Variants in NPSR1 observed in about 807,000 individuals in gnomAD.
NPSR1 encodes neuropeptide S receptor 1.
A neutral mutation model predicts 46.9 loss-of-function variants in NPSR1; 48 were observed. The ratio of observed to expected loss-of-function variants is 1.02; its 90% confidence interval spans 0.81 to 1.30. NPSR1 has a LOEUF of 1.30. NPSR1 is among the 50% of genes most tolerant of loss of function. NPSR1 has a pLI of 0.00. For synonymous variants in NPSR1, 176 were observed against 168.1 expected (o/e 1.05, Z -0.36); for missense variants, 450 against 449.5 (o/e 1.00, Z -0.01).
At chr7:34,747,539 G>A (rs1035727549) in intron 2 of NPSR1, among the ~76,000 whole-genome samples, 1 of 152,220 alleles carries the variant, frequency 6.6e-6, no homozygotes, top group African/African-American at 2.4e-5. Flanking sequence ...ACAGCTAAGT[G>A]CAAGGTGGAA....
chr7:34,683,288 C>CA (rs948207003), intron 1 of NPSR1, among the ~76,000 whole-genome samples: 10 of 150,476 alleles, frequency 6.6e-5, no homozygotes, highest in South Asian at 6.3e-4. Flanking sequence ...CTAAAAAATA[C>CA]AAAAAAAAAT....
At chr7:34,743,124 C>A (rs988337842) in intron 2 of NPSR1, among the ~76,000 whole-genome samples, 6 of 152,062 alleles carry the variant, frequency 3.9e-5, no homozygotes, top group Non-Finnish European at 8.8e-5. Context: ...TTGATAGTTT[C>A]TTTTGCGTGC....
downstream of NPSR1, among the ~76,000 whole-genome samples, chr7:34,851,681 T>G (rs577381808): frequency 3.1e-4 from 47 of 152,350 alleles, no homozygotes; most frequent in Non-Finnish European, 4.6e-4. Flanking sequence ...CCAGGTTCTC[T>G]TGACAGATGC....
chr7:34,837,966 T>C (rs971503505), intron 6 of NPSR1, among the ~76,000 whole-genome samples: 1 of 152,156 alleles, frequency 6.6e-6, no homozygotes, highest in Non-Finnish European at 1.5e-5. Context: ...TTCAGACGAA[T>C]CAGATTGGTG....
intron 2 of NPSR1, among the ~76,000 whole-genome samples, chr7:34,710,184 CTTGCAATATA>C (rs985231485): frequency 6.6e-6 from 1 of 152,164 alleles, no homozygotes; most frequent in Non-Finnish European, 1.5e-5. Flanking sequence ...ACCCTTCCTA[CTTGCAATATA>C]TTAGAAAGGC....
intron 6 of NPSR1, among the ~76,000 whole-genome samples, chr7:34,837,620 T>C (rs944036413): frequency 1.3e-5 from 2 of 152,216 alleles, no homozygotes; most frequent in Non-Finnish European, 2.9e-5. Flanking sequence ...CTCTTTGAGG[T>C]GGTGTTATTA....
At chr7:34,673,448 C>T (rs1162291046) in intron 1 of NPSR1, among the ~76,000 whole-genome samples, 1 of 152,172 alleles carries the variant, frequency 6.6e-6, no homozygotes, top group Admixed American at 6.5e-5. Context: ...AGCCAAGGCT[C>T]TCTCCTCTGG....
intron 2 of NPSR1, among the ~76,000 whole-genome samples, chr7:34,774,587 G>A (rs1786858486): frequency 1.3e-5 from 2 of 152,296 alleles, no homozygotes; most frequent in Middle Eastern, 3.4e-3. Context: ...CTCAAAAGGT[G>A]TATAACTTTG....
chr7:34,713,793 C>A (rs1783419115), intron 2 of NPSR1, among the ~76,000 whole-genome samples: 2 of 152,222 alleles, frequency 1.3e-5, no homozygotes, highest in African/African-American at 4.8e-5. Context: ...CCATCCCAGG[C>A]CTGTCCCGGA....
chr7:34,789,184 T>C (rs924874253), intron 3 of NPSR1, among the ~76,000 whole-genome samples: 1 of 151,840 alleles, frequency 6.6e-6, no homozygotes, highest in African/African-American at 2.4e-5. Flanking sequence ...AATAAATACC[T>C]ACATCAAACA....
chr7:34,792,643 A>ATATATATGTATATATTTT (rs1554331457), intron 3 of NPSR1, among the ~76,000 whole-genome samples: 1 of 91,514 alleles, frequency 1.1e-5, no homozygotes, highest in Non-Finnish European at 2.3e-5. Context: ...GTGTATGTGT[A>ATATATATGTATATATTTT]TATATATATG....
intron 2 of NPSR1, among the ~76,000 whole-genome samples, chr7:34,778,194 C>G (rs1409875923): frequency 6.6e-6 from 1 of 152,080 alleles, no homozygotes; most frequent in African/African-American, 2.4e-5. Context: ...CTTAAAAAGT[C>G]AACTCTATGA....
intron 2 of NPSR1, among the ~76,000 whole-genome samples, chr7:34,774,345 C>T (rs1248229888): frequency 6.6e-6 from 1 of 152,174 alleles, no homozygotes; most frequent in Non-Finnish European, 1.5e-5. Context: ...GACATGGAGG[C>T]ATCTGTGCTA....
At chr7:34,762,216 A>C (rs917525816) in intron 2 of NPSR1, among the ~76,000 whole-genome samples, 2 of 152,184 alleles carry the variant, frequency 1.3e-5, no homozygotes, top group Non-Finnish European at 2.9e-5. Flanking sequence ...AGAGTGCTCT[A>C]ATGAGAATAA....
intron 2 of NPSR1, among the ~76,000 whole-genome samples, chr7:34,773,478 A>G (rs1317644459): frequency 6.6e-6 from 1 of 152,132 alleles, no homozygotes; most frequent in Non-Finnish European, 1.5e-5. Context: ...TGTGTTGACT[A>G]TGACTCAGAG....
Position 34,859,786 on chromosome 7 carries a change from T to C in NPSR1, c.1025+11123T>C, listed in dbSNP as rs373853720. Among the ~76,000 whole-genome samples the C allele has an allele frequency of 9.7e-4, 148 of 151,868 alleles. 1 individual carries two copies. The highest frequency in any genetic ancestry group is 3.4e-3 in the African/African-American group (140 of 41,148). ...GACTTACTGGGTTCTGGGTAGAACATGGAAATCTGTATTTATAGCAACTCA... is the reference window on the plus strand; with the variant it reads ...GACTTACTGGGTTCTGGGTAGAACACGGAAATCTGTATTTATAGCAACTCA... On this transcript the variant is annotated intron_variant, in intron 8 of 8. Coordinates refer to the NPSR1 transcript ENST00000359791.
intron 5 of NPSR1, among the ~76,000 whole-genome samples, chr7:34,832,323 C>T (rs559180202): frequency 4.6e-5 from 7 of 152,186 alleles, no homozygotes; most frequent in African/African-American, 1.4e-4. Context: ...CTCTTGGGCC[C>T]GGGAGTTCAA....
chr7:34,874,482 G>A (rs1383056498), intron 8 of NPSR1, among the ~76,000 whole-genome samples: 1 of 152,036 alleles, frequency 6.6e-6, no homozygotes, highest in Non-Finnish European at 1.5e-5. Context: ...TGGGGGTGGG[G>A]GTGTCATTTA....
intron 1 of NPSR1, among the ~76,000 whole-genome samples, chr7:34,673,706 A>T (rs34999160): frequency 0.019 from 2,946 of 152,270 alleles, 41 homozygotes; most frequent in African/African-American, 0.038. Flanking sequence ...TCCCTGTTCT[A>T]GACCCTTGTT....
Sources: gnomAD v4.1 joint callset for allele counts (sites outside exome capture counted in the v4.1 genomes callset) on GRCh38, gnomAD v4.1.1 for gene constraint, MANE v1.5 for transcripts, NCBI Gene and HGNC (gene_info 2026-07-23, HGNC 2026-07-21) for gene names.